The following PCDH15 variants were observed in gnomAD, a reference collection of about 807,000 sequenced individuals.
PCDH15 encodes protocadherin-15.
A neutral mutation model predicts 178.5 loss-of-function variants in PCDH15; 129 were observed. The observed-to-expected ratio is 0.72, with a 90% confidence interval of 0.63 to 0.84. The LOEUF (loss-of-function observed/expected upper bound fraction) is 0.84, where lower values mean the gene tolerates loss of function less well. Among genes scored for constraint, PCDH15 ranks in the 40% least tolerant of loss-of-function variants. The pLI is 0.00. For missense variants in PCDH15, 2,230 were observed against 2,099.9 expected, an observed-to-expected ratio of 1.06 and a Z score of -1.21; for synonymous variants, 800 against 732.0, an observed-to-expected ratio of 1.09 and a Z score of -1.50.
At chr10:55,614,351 T>A (rs2132163246) in intron 2 of PCDH15, among the ~76,000 whole-genome samples, 1 of 152,216 alleles carries the variant, frequency 6.6e-6, no homozygotes, top group East Asian at 1.9e-4. Flanking sequence ...TTCAAACATA[T>A]CCATTAATAT....
intron 8 of PCDH15, among the ~76,000 whole-genome samples, chr10:54,265,109 A>T (rs1043098515): frequency 6.6e-6 from 1 of 152,262 alleles, no homozygotes; most frequent in African/African-American, 2.4e-5. Flanking sequence ...GTCTATTTTT[A>T]GTACTCTAAA....
At chr10:55,265,631 T>C (rs1592033924) in intron 1 of PCDH15, among the ~76,000 whole-genome samples, 1 of 152,112 alleles carries the variant, frequency 6.6e-6, no homozygotes, top group Non-Finnish European at 1.5e-5. Context: ...GTGTTTATAA[T>C]GGAGGGCTTG....
At chr10:54,730,351 G>A (rs1201501918) in intron 1 of PCDH15, among the ~76,000 whole-genome samples, 1 of 151,552 alleles carries the variant, frequency 6.6e-6, no homozygotes, top group Non-Finnish European at 1.5e-5. Flanking sequence ...TAAACATTGA[G>A]TACACATGGA....
chr10:55,476,314 G>A (rs947708167), intron 2 of PCDH15, among the ~76,000 whole-genome samples: 1 of 151,970 alleles, frequency 6.6e-6, no homozygotes, highest in Admixed American at 6.6e-5. Context: ...CATGGACAGA[G>A]TTTAAAAAAG....
At chr10:54,959,344 C>T (rs888784061) in intron 2 of PCDH15, among the ~76,000 whole-genome samples, 16 of 151,736 alleles carry the variant, frequency 1.1e-4, no homozygotes, top group African/African-American at 3.4e-4. Context: ...CAGAAGAATG[C>T]CAAGTAATAT....
chr10:53,829,756 T>G (rs575388860), intron 30 of PCDH15, among the ~76,000 whole-genome samples: 1 of 152,262 alleles, frequency 6.6e-6, no homozygotes, highest in Non-Finnish European at 1.5e-5. Context: ...TGAAAAATAT[T>G]AAAGGAATGG....
chr10:55,097,967 A>G (rs1000633913), intron 2 of PCDH15, among the ~76,000 whole-genome samples: 23 of 152,140 alleles, frequency 1.5e-4, no homozygotes, highest in African/African-American at 5.5e-4. Context: ...AGCAGACAAG[A>G]TAATGAAAGA....
chr10:54,441,947 C>A (rs1241703460), intron 3 of PCDH15, among the ~76,000 whole-genome samples: 5 of 151,720 alleles, frequency 3.3e-5, no homozygotes, highest in Admixed American at 2.6e-4. Flanking sequence ...ATATTCCTCT[C>A]TATCTGCTCC....
intron 2 of PCDH15, among the ~76,000 whole-genome samples, chr10:55,036,409 C>A (rs1400747006): frequency 6.6e-6 from 1 of 152,152 alleles, no homozygotes; most frequent in South Asian, 2.1e-4. Context: ...ACAATTTCCC[C>A]AGATAAGACA....
chr10:54,655,300 G>GAC (rs2094370599), intron 2 of PCDH15, among the ~76,000 whole-genome samples: 18 of 111,390 alleles, frequency 1.6e-4, no homozygotes, highest in South Asian at 3.3e-4. Context: ...GAGAGAGAGA[G>GAC]AGACAGAGAG....
intron 3 of PCDH15, among the ~76,000 whole-genome samples, chr10:54,394,397 G>T (rs1950936668): frequency 6.6e-6 from 1 of 151,976 alleles, no homozygotes; most frequent in African/African-American, 2.4e-5. Flanking sequence ...TTAAACCTGG[G>T]CGTCCAGGGG....
intron 2 of PCDH15, among the ~76,000 whole-genome samples, chr10:55,582,834 A>G (rs1275302773): frequency 6.6e-6 from 1 of 151,756 alleles, no homozygotes; most frequent in Admixed American, 6.6e-5. Context: ...GTTATTGATG[A>G]ATATTTCACT....
chr10:55,573,185 G>C (rs1360439755), intron 2 of PCDH15, among the ~76,000 whole-genome samples: 1 of 152,004 alleles, frequency 6.6e-6, no homozygotes, highest in Admixed American at 6.6e-5. Flanking sequence ...TAAGTGAAAA[G>C]GAGCTGAGAA....
chr10:55,107,233 G>C (rs1837372441), intron 2 of PCDH15, among the ~76,000 whole-genome samples: 1 of 152,112 alleles, frequency 6.6e-6, no homozygotes, highest in African/African-American at 2.4e-5. Context: ...ATTAAACCCA[G>C]ACCTAATTAC....
chr10:54,769,132 GC>G (rs1466298159), intron 1 of PCDH15, among the ~76,000 whole-genome samples: 2 of 152,030 alleles, frequency 1.3e-5, no homozygotes, highest in Non-Finnish European at 2.9e-5. Context: ...CTGTATAGGA[GC>G]CAACAGGAAT....
chr10:54,289,288 TAGAAATAA>T (rs1411511140), intron 8 of PCDH15, among the ~76,000 whole-genome samples: 2 of 152,252 alleles, frequency 1.3e-5, no homozygotes, highest in East Asian at 3.9e-4. Flanking sequence ...ACCTGAATGT[TAGAAATAA>T]AACTAACAAA....
chr10:54,832,247 C>T (rs562268261), intron 3 of PCDH15, among the ~76,000 whole-genome samples: 14 of 152,064 alleles, frequency 9.2e-5, no homozygotes, highest in Non-Finnish European at 1.6e-4. Context: ...AATAATATTC[C>T]GATACTGCCC....
chr10:55,064,890 T>G (rs1841523859), intron 2 of PCDH15, among the ~76,000 whole-genome samples: 2 of 152,202 alleles, frequency 1.3e-5, no homozygotes, highest in South Asian at 4.1e-4. Flanking sequence ...ACGATTATTT[T>G]TGGGTGACTT....
At chr10:53,857,035 G>A in intron 28 of PCDH15, 140 bp downstream of exon 28, 1 of 679,472 alleles carries the variant, frequency 1.5e-6, no homozygotes, top group Non-Finnish European at 2.5e-6. Context: ...CACACTCGAA[G>A]CCTAAACCTC....
Sources: gnomAD v4.1 joint callset for allele counts (sites outside exome capture counted in the v4.1 genomes callset) on GRCh38, gnomAD v4.1.1 for gene constraint, MANE v1.5 for transcripts, NCBI Gene and HGNC (gene_info 2026-07-23, HGNC 2026-07-21) for gene names.